MYO19: variants seen among roughly 807,000 people sequenced by gnomAD.
MYO19 encodes unconventional myosin-XIX.
In MYO19, 132 loss-of-function variants were observed where a neutral mutation model predicts 129.2. The ratio of observed to expected loss-of-function variants is 1.02; its 90% CI spans 0.89 to 1.18. The LOEUF is 1.18. MYO19 is among the 50% of genes most tolerant of loss of function. The pLI is 0.00. For synonymous variants in MYO19, 531 were observed against 477.2 expected, an observed-to-expected ratio of 1.11 and a Z score of -1.47; for missense variants, 1,210 against 1,216.7, an observed-to-expected ratio of 0.99 and a Z score of 0.08.
Position 36,500,984 on chromosome 17 carries a change from G to T in MYO19, c.2248-25C>A, listed in dbSNP as rs750683460. On this transcript the variant is annotated intron_variant, in intron 22 of 25. Coordinates refer to ENST00000614623, the MANE Select transcript of MYO19 (RefSeq NM_001163735.2). ...GCTGGGAGAAAAGGCATCCATTGAGGGCAGCCTCTTCTCCCCCTGCCCCCT... is the reference window on the plus strand; with the variant it reads ...GCTGGGAGAAAAGGCATCCATTGAGTGCAGCCTCTTCTCCCCCTGCCCCCT... 14 of 1,607,316 alleles carry T rather than the reference G, an allele frequency of 8.7e-6. No individual in the cohort carries two copies. In the South Asian group the frequency reaches 1.3e-4, roughly 15 times the overall value.
chr17:36,537,927 C>T (rs2074165401), upstream of MYO19: 2 of 1,613,934 alleles, frequency 1.2e-6, no homozygotes, highest in Admixed American at 1.7e-5. Context: ...CCAGCTAGCC[C>T]TTGACTTTAC....
rs2073593555 is a variant in MYO19 at position 36,528,087 on chromosome 17, A to G, written c.128T>C (p.Val43Ala). Residue 43 changes from valine (V) to alanine (A), a missense_variant, in exon 4 of 26, where the codon GTG becomes GCG. Val to Ala is a moderately conservative substitution (Grantham distance 64). Coordinates refer to ENST00000614623, the MANE Select transcript of MYO19 (RefSeq NM_001163735.2). ...LLYKLDDLTRVNPVTLETVLR... is the reference protein window; with the variant it reads ...LLYKLDDLTRANPVTLETVLR... ...ACCTGTCTCTAGTGTCACAGGATTC[A>G]CCCTGGTGAGGTCATCCAGTTTGTA... The G allele has an allele frequency of 6.2e-7, 1 of 1,613,796 alleles. No individual in the cohort carries two copies. Among genetic ancestry groups the G allele is most frequent in the Non-Finnish European group, 8.5e-7 (1 of 1,179,762 alleles).
chr17:36,518,253 C>T (rs1298030137), intron 6 of MYO19, among the ~76,000 whole-genome samples: 1 of 151,950 alleles, frequency 6.6e-6, no homozygotes, highest in Admixed American at 6.6e-5. Context: ...GAGCTGATCA[C>T]TTGAGGCCAG....
intron 6 of MYO19, among the ~76,000 whole-genome samples, chr17:36,521,137 C>T (rs961134410): frequency 1.3e-5 from 2 of 152,090 alleles, no homozygotes; most frequent in African/African-American, 4.8e-5. Context: ...CTGGAGACAC[C>T]AATAAGCTCA....
Position 36,507,119 on chromosome 17 carries a change from G to A in MYO19, c.1488C>T (p.Pro496=), listed in dbSNP as rs929371318. 26 of 1,604,758 alleles carry A rather than the reference G, an allele frequency of 1.6e-5. No individual in the cohort carries two copies. Among genetic ancestry groups the A allele is most frequent in the African/African-American group, 2.7e-5 (2 of 74,708 alleles). The change falls in exon 17 of 26, where the codon CCC becomes CCT. Residue 496 remains proline (P), a synonymous_variant. Coordinates refer to ENST00000614623, the MANE Select transcript of MYO19 (RefSeq NM_001163735.2). ...LINEECRLNR[P]SSAAQLQTRI... ...GTGTCTGGAGCTGGGCTGCGCTGCT[G>A]GGTCGATTGAGGCGGCATTCCTGTG...
At position 36,507,035 on chromosome 17, in the gene MYO19, C is replaced by T. The variant is rs1293572326; in HGVS notation, c.1572G>A (p.Glu524=). 2 of 1,613,722 alleles carry T rather than the reference C, an allele frequency of 1.2e-6. No homozygotes were observed. Among genetic ancestry groups the T allele is most frequent in the African/African-American group, 1.3e-5 (1 of 75,036 alleles). ...CATAATGCACCACAATGAAGCTGGG[C>T]TCCCGGCTGAGCTTATTGTGGCCCA... ...PCLGHNKLSR[E]PSFIVVHYAG... The change falls in exon 17 of 26, where the codon GAG becomes GAA. Residue 524 remains glutamate, a synonymous_variant. Transcript: ENST00000614623.
At chr17:36,498,619 G>C (rs1870473644) in intron 24 of MYO19, 60 bp from the exon 25 acceptor site, 4 of 1,489,806 alleles carry the variant, frequency 2.7e-6, no homozygotes, top group Non-Finnish European at 2.7e-6. Flanking sequence ...AGCAGAAAAT[G>C]GAAATCAAAA....
intron 20 of MYO19, 66 bp from the exon 21 acceptor site, chr17:36,503,266 C>T (rs1458985642): frequency 7.7e-7 from 1 of 1,297,206 alleles, no homozygotes; most frequent in Non-Finnish European, 1.1e-6. Flanking sequence ...CGGTTCAGGG[C>T]TCATCAGAAG....
intron 18 of MYO19, among the ~76,000 whole-genome samples, chr17:36,506,131 G>A (rs1411919711): frequency 6.6e-6 from 1 of 152,138 alleles, no homozygotes; most frequent in African/African-American, 2.4e-5. Flanking sequence ...GGTTAGAACA[G>A]GAAGCTAGAC....
chr17:36,528,407 A>C (rs1366491774), intron 3 of MYO19, among the ~76,000 whole-genome samples: 1 of 152,080 alleles, frequency 6.6e-6, no homozygotes, highest in African/African-American at 2.4e-5. Context: ...GCTACTCGGA[A>C]GGCTGAGGCA....
intron 4 of MYO19, 98 bp downstream of exon 4, chr17:36,527,966 T>C (rs754773378): frequency 3.3e-6 from 5 of 1,495,674 alleles, no homozygotes; most frequent in Non-Finnish European, 4.5e-6. Flanking sequence ...TCAGGAGTCC[T>C]GCCGACCTCC....
intron 3 of MYO19, among the ~76,000 whole-genome samples, chr17:36,531,369 T>A (rs1441347404): frequency 7.6e-6 from 1 of 131,878 alleles, no homozygotes; most frequent in Non-Finnish European, 1.5e-5. Flanking sequence ...CACTCCAGCC[T>A]GGATGACAGG....
rs1338524163 is a variant in MYO19 at position 36,500,868 on chromosome 17, T to G, written c.2339A>C (p.Gln780Pro). Residue 780 changes from glutamine (Q) to proline (P), a missense_variant, in exon 23 of 26, where the codon CAG (glutamine) becomes CCG (proline). Physicochemically the swap from Gln to Pro is moderately conservative, Grantham distance 76. Coordinates refer to ENST00000614623, the MANE Select transcript of MYO19 (RefSeq NM_001163735.2). ...CATGACGGCCCGCCACTGCCGCTCC[T>G]GCTCTCGGTGCCGGTGTCGCCTCCA... is the stretch of plus-strand genomic sequence containing the variant. ...GGWRRHRHRE[Q>P]ERQWRAVMLI... 4 of 1,605,272 alleles carry G rather than the reference T, an allele frequency of 2.5e-6. No homozygotes were observed. Among genetic ancestry groups the G allele is most frequent in the Non-Finnish European group, 3.4e-6 (4 of 1,179,240 alleles).
At position 36,495,735 on chromosome 17, in the gene MYO19, A is replaced by G; in HGVS notation, c.*516T>C. On this transcript the variant is annotated 3_prime_UTR_variant, in exon 26 of 26. Coordinates refer to ENST00000614623, the MANE Select transcript of MYO19 (RefSeq NM_001163735.2). ...GTTAAACTTGGTCAGTGTTAATAAA[A>G]TCAAAACGTGATTCTACTGTACATT... 1 of 1,246,972 alleles carries G rather than the reference A, an allele frequency of 8.0e-7. No homozygotes were observed. The highest frequency in any genetic ancestry group is 1.0e-6 in the Non-Finnish European group (1 of 996,954). The allele number at this position is 1,246,972 out of a possible 1,614,324, so 77.2% of individuals were successfully genotyped here. A position where few individuals can be genotyped will look rare whatever the true frequency, so the allele number is the denominator to read the frequency against.
rs1322894652 is a variant in MYO19 at position 36,501,219 on chromosome 17, G to A, written c.2097C>T (p.Ser699=). The change falls in exon 22 of 26, where the codon AGC becomes AGT. Residue 699 remains serine, a synonymous_variant. Transcript: ENST00000614623. ...TGAGAGGTTCAAGCGTGGCTTCCTC[G>A]CTGTGTGGACACCATTCTGGGGGAG... is the stretch of plus-strand genomic sequence containing the variant. The part of the protein sequence containing the change: ...AKGLPEWCPH[S]EEATLEPLIQ... 13 of 1,611,976 alleles carry A rather than the reference G, an allele frequency of 8.1e-6. No homozygotes were observed. Among genetic ancestry groups the A allele is most frequent in the South Asian group, 4.4e-5 (4 of 90,724 alleles).
At chr17:36,513,205 C>T (rs1176583444) in intron 11 of MYO19, 1 of 1,439,474 alleles carries the variant, frequency 6.9e-7, no homozygotes, top group African/African-American at 1.4e-5. Flanking sequence ...GCATTCTGTA[C>T]TCTAGCACTG....
chr17:36,496,346 G>A lies in MYO19; in HGVS notation c.2818C>T (p.Pro940Ser), dbSNP rs775113383. ...PLRYADICPE[P>S]SPYSITGFNQ... ...AAGCCTGTAATGCTGTAGGGTGAAG[G>A]TTCAGGGCAGATGTCAGCATACCGC... The change falls in exon 26 of 26, where the codon CCT becomes TCT. Residue 940 changes from proline to serine, a missense_variant. Pro to Ser is a moderately conservative substitution (Grantham distance 74). Coordinates refer to ENST00000614623, the MANE Select transcript of MYO19 (RefSeq NM_001163735.2). The A allele has an allele frequency of 1.2e-6, 2 of 1,614,006 alleles. No individual in the cohort carries two copies. The highest frequency in any genetic ancestry group is 1.1e-5 in the South Asian group (1 of 91,088).
intron 20 of MYO19, 86 bp downstream of exon 20, chr17:36,503,864 C>T: frequency 8.8e-7 from 1 of 1,131,322 alleles, no homozygotes; most frequent in Non-Finnish European, 1.2e-6. Flanking sequence ...ACATCTCACT[C>T]TGGGTTGGGC....
At chr17:36,534,641 G>A (rs562991844) in intron 1 of MYO19, 120 bp downstream of exon 1, 1 of 152,674 alleles carries the variant, frequency 6.5e-6, no homozygotes, top group African/African-American at 2.4e-5. Flanking sequence ...GGAGGGAAAC[G>A]GCGCTTTGGA....
Sources: gnomAD v4.1 joint callset for allele counts (sites outside exome capture counted in the v4.1 genomes callset) on GRCh38, gnomAD v4.1.1 for gene constraint, MANE v1.5 for transcripts, NCBI Gene and HGNC (gene_info 2026-07-23, HGNC 2026-07-21) for gene names.